The following CADPS variants were observed in gnomAD, a reference collection of about 807,000 sequenced individuals.
The protein encoded by CADPS is calcium-dependent secretion activator 1.
Under a neutral mutation model 167.3 loss-of-function variants are expected in CADPS, and 57 were observed. The ratio of observed to expected loss-of-function variants is 0.34; its 90% CI spans 0.28 to 0.42. The LOEUF (loss-of-function observed/expected upper bound fraction) is 0.42. CADPS is among the 20% of genes least tolerant of loss of function. The pLI, the probability that CADPS is intolerant of heterozygous loss-of-function variation, is 1.00. For synonymous variants in CADPS, 676 were observed against 635.3 expected (o/e 1.06, Z -0.96); for missense variants, 1,414 against 1,738.1 (o/e 0.81, Z 3.32).
chr3:62,704,075 C>A (rs1214547438), intron 3 of CADPS, among the ~76,000 whole-genome samples: 1 of 152,018 alleles, frequency 6.6e-6, no homozygotes, highest in Non-Finnish European at 1.5e-5. Flanking sequence ...GTACTGGGGA[C>A]ATAGCAATGA....
In CADPS at chr3:62,697,443, C is replaced by CT. The variant is rs541504693; in HGVS notation, c.889-35050dup. 2.8e-4 allele frequency among the ~76,000 whole-genome samples: 42 copies of CT among 152,164 alleles called. 1 individual carries two copies. The South Asian group carries it at 8.3e-3, about 30-fold the overall frequency. ...TTACTGAGAATGCCATTAATTCATTCTTTTTTATGGCTGAGTAGCATTCTA... is the reference window on the plus strand; with the variant it reads ...TTACTGAGAATGCCATTAATTCATTCTTTTTTTATGGCTGAGTAGCATTCTA... On this transcript the variant is annotated intron_variant, in intron 3 of 29. Coordinates refer to ENST00000383710, the MANE Select transcript of CADPS (RefSeq NM_003716.4).
At chr3:62,472,575 C>T (rs909229148) in intron 24 of CADPS, among the ~76,000 whole-genome samples, 2 of 152,178 alleles carry the variant, frequency 1.3e-5, no homozygotes, top group Non-Finnish European at 2.9e-5. Flanking sequence ...GGCCACCTGG[C>T]AGCTTGGACT....
intron 6 of CADPS, among the ~76,000 whole-genome samples, chr3:62,607,638 C>A (rs1280833203): frequency 6.6e-6 from 1 of 152,178 alleles, no homozygotes; most frequent in Non-Finnish European, 1.5e-5. Flanking sequence ...AAGCAGCCAG[C>A]CCCATCCCGT....
intron 6 of CADPS, among the ~76,000 whole-genome samples, chr3:62,614,572 G>A (rs904559538): frequency 7.9e-5 from 12 of 152,192 alleles, no homozygotes; most frequent in African/African-American, 2.9e-4. Flanking sequence ...TCTGTATTCT[G>A]TATTTGTTGT....
intron 16 of CADPS, chr3:62,513,613 T>C: frequency 7.0e-7 from 1 of 1,434,640 alleles, no homozygotes; most frequent in Non-Finnish European, 9.7e-7. Flanking sequence ...GAAGACAGCA[T>C]GGTGAGGAGG....
intron 1 of CADPS, among the ~76,000 whole-genome samples, chr3:62,770,717 T>C (rs1326915194): frequency 1.3e-5 from 2 of 152,192 alleles, no homozygotes; most frequent in Non-Finnish European, 2.9e-5. Context: ...TGAGCCGTCA[T>C]GCCCAATCGG....
Position 62,421,187 on chromosome 3 carries a change from A to G in CADPS, c.3777+16917T>C, listed in dbSNP as rs1575771457. On this transcript the variant is annotated intron_variant, in intron 28 of 29. Transcript: ENST00000383710. The surrounding 1 kb of genome is among the most constrained non-coding windows in gnomAD (Gnocchi z 4.7). ...TGAGTTAATACGTGAGGCCCGGATC[A>G]CTCTGCCTTGCCGTCAATGCTTCTC... Among the ~76,000 whole-genome samples the G allele has an allele frequency of 6.6e-6, 1 of 151,806 alleles. No homozygotes were observed. The highest frequency in any genetic ancestry group is 2.4e-5 in the African/African-American group (1 of 41,308).
At position 62,686,936 on chromosome 3, in the gene CADPS, T is replaced by C. The variant is rs75268201; in HGVS notation, c.889-24542A>G. On this transcript the variant is annotated intron_variant, in intron 3 of 29. Transcript: ENST00000383710. ...CATGTATCCTTTGTTCCTCCCCACA[T>C]AGTAATGCTCAAAAGGTGCTGGCCT... 6.5e-3 allele frequency among the ~76,000 whole-genome samples: 986 copies of C among 152,180 alleles called. 2 individuals carry two copies. The highest frequency in any genetic ancestry group is 9.7e-3 in the Non-Finnish European group (661 of 67,978).
At chr3:62,632,605 G>A (rs1307406663) in intron 6 of CADPS, among the ~76,000 whole-genome samples, 1 of 152,078 alleles carries the variant, frequency 6.6e-6, no homozygotes, top group African/African-American at 2.4e-5. Flanking sequence ...ATTATCTACA[G>A]AGAACAGCTC....
chr3:62,460,703 G>A (rs372780326), intron 26 of CADPS, among the ~76,000 whole-genome samples: 1 of 152,190 alleles, frequency 6.6e-6, no homozygotes, highest in African/African-American at 2.4e-5. Context: ...TTACACAAAC[G>A]TCTCGCAAAT....
chr3:62,760,175 A>G (rs965861116), intron 2 of CADPS, among the ~76,000 whole-genome samples: 23 of 152,126 alleles, frequency 1.5e-4, no homozygotes, highest in Non-Finnish European at 3.2e-4. Flanking sequence ...TGGACACCAT[A>G]CCACCATGCT....
At chr3:62,779,804 T>C (rs1437719122) in intron 1 of CADPS, 1 of 255,204 alleles carries the variant, frequency 3.9e-6, no homozygotes, top group Non-Finnish European at 7.7e-6. Context: ...TGGCATTCAG[T>C]GAGAAGGAAA....
intron 1 of CADPS, among the ~76,000 whole-genome samples, chr3:62,868,393 C>T (rs188401619): frequency 3.3e-5 from 5 of 152,042 alleles, no homozygotes; most frequent in African/African-American, 1.2e-4. Context: ...GATTAACATT[C>T]TATTATTTAA....
intron 21 of CADPS, among the ~76,000 whole-genome samples, chr3:62,486,111 T>A (rs1323015716): frequency 1.3e-5 from 2 of 152,246 alleles, no homozygotes; most frequent in African/African-American, 4.8e-5. Context: ...TATGGCATTA[T>A]GTTTTATATC....
rs771559991 is a variant in CADPS, at chr3:62,479,686, G to A, written c.3174-1270C>T. On this transcript the variant is annotated intron_variant, in intron 22 of 29. Coordinates refer to ENST00000383710, the MANE Select transcript of CADPS (RefSeq NM_003716.4). ...AGTACGTAGACGTATCTGACACGAT[G>A]GAGCAGGTAACATATAAACACGCCC... Among the ~76,000 whole-genome samples, 13 of 152,354 alleles carry A rather than the reference G, an allele frequency of 8.5e-5. 1 individual carries two copies. In the South Asian group the frequency reaches 1.7e-3, roughly 19 times the overall value.
chr3:62,552,349 G>A (rs769460987), intron 10 of CADPS, among the ~76,000 whole-genome samples: 1 of 152,066 alleles, frequency 6.6e-6, no homozygotes, highest in Non-Finnish European at 1.5e-5. Flanking sequence ...TGCACGTTGT[G>A]CACATGTACC....
At chr3:62,571,035 A>G (rs2081193855) in intron 8 of CADPS, 97 bp from the exon 9 acceptor site, 1 of 839,418 alleles carries the variant, frequency 1.2e-6, no homozygotes, top group Admixed American at 1.9e-5. Context: ...TAAACAAGGA[A>G]ACGCACATGG....
chr3:62,495,402 C>T lies in CADPS; in HGVS notation c.2707-1737G>A, dbSNP rs998770888. On this transcript the variant is annotated intron_variant, in intron 18 of 29. Transcript: ENST00000383710. ...ATCTGTGTGACCGGGTTGGGAAAGG[C>T]CAGGCTTTAAAAATATTTATTTTAT... Among the ~76,000 whole-genome samples the T allele has an allele frequency of 2.0e-5, 3 of 152,184 alleles. No homozygotes were observed. In the South Asian group the frequency reaches 6.2e-4, roughly 31 times the overall value.
At chr3:62,641,600 C>T (rs1210941820) in intron 6 of CADPS, among the ~76,000 whole-genome samples, 1 of 152,158 alleles carries the variant, frequency 6.6e-6, no homozygotes, top group Non-Finnish European at 1.5e-5. Flanking sequence ...AGCACTTCTG[C>T]CTAAGTATCC....
Sources: gnomAD v4.1 joint callset for allele counts (sites outside exome capture counted in the v4.1 genomes callset) on GRCh38, gnomAD v4.1.1 for gene constraint, Gnocchi (gnomAD v3.1) non-coding constraint, MANE v1.5 for transcripts, NCBI Gene and HGNC (gene_info 2026-07-23, HGNC 2026-07-21) for gene names.